Variants in PPIL6 observed in about 807,000 individuals in gnomAD.
PPIL6 encodes the protein peptidylprolyl isomerase like 6.
PPIL6 carries 39 observed loss-of-function variants against 36.8 expected under a neutral mutation model. The observed-to-expected ratio is 1.06, with a 90% CI of 0.82 to 1.38. The LOEUF is 1.38. Ranked by LOEUF, PPIL6 falls within the 40% of genes most tolerant of loss-of-function variation. The pLI, the probability that PPIL6 is intolerant of heterozygous loss-of-function variation, is 0.00. For synonymous variants in PPIL6, 123 were observed against 134.1 expected (o/e 0.92, Z 0.57); for missense variants, 368 against 379.1 (o/e 0.97, Z 0.24).
chr6:109,400,906 C>T (rs1216170434), intron 6 of PPIL6, among the ~76,000 whole-genome samples: 8 of 152,146 alleles, frequency 5.3e-5, no homozygotes, highest in African/African-American at 1.9e-4. Flanking sequence ...GTCGCCCAGG[C>T]TGGAGTGCAG....
intron 6 of PPIL6, among the ~76,000 whole-genome samples, chr6:109,406,033 T>C (rs1266079760): frequency 6.8e-6 from 1 of 147,860 alleles, no homozygotes; most frequent in East Asian, 2.0e-4. Flanking sequence ...GTGTAGATTT[T>C]TTTGGTTTGT....
At chr6:109,418,548 CT>C (rs796535898) in intron 6 of PPIL6, among the ~76,000 whole-genome samples, 15,766 of 135,778 alleles carry the variant, frequency 0.12, 1,752 homozygotes, top group African/African-American at 0.35. Context: ...ATCTTTTTTT[CT>C]TTTTTTTTTT....
chr6:109,415,789 T>C (rs1773223576), intron 6 of PPIL6, among the ~76,000 whole-genome samples: 1 of 152,206 alleles, frequency 6.6e-6, no homozygotes, highest in African/African-American at 2.4e-5. Context: ...GTAATCAGCC[T>C]TAAAGGTCCT....
At chr6:109,396,595 G>A (rs1328867967) in intron 7 of PPIL6, among the ~76,000 whole-genome samples, 1 of 152,066 alleles carries the variant, frequency 6.6e-6, no homozygotes, top group African/African-American at 2.4e-5. Context: ...TAACTTCTAC[G>A]TGACATTTCA....
intron 1 of PPIL6, among the ~76,000 whole-genome samples, chr6:109,439,071 G>T (rs1369176144): frequency 6.6e-6 from 1 of 152,022 alleles, no homozygotes; most frequent in South Asian, 2.1e-4. Flanking sequence ...TGCCAAGAAG[G>T]CCTAACATAT....
chr6:109,401,654 GA>G (rs1361711119), intron 6 of PPIL6, among the ~76,000 whole-genome samples: 4 of 151,274 alleles, frequency 2.6e-5, no homozygotes, highest in Non-Finnish European at 4.4e-5. Flanking sequence ...GTGAAATAAA[GA>G]AAAAAACTCA....
intron 5 of PPIL6, among the ~76,000 whole-genome samples, chr6:109,424,943 A>G (rs968949174): frequency 2.6e-5 from 4 of 152,336 alleles, no homozygotes; most frequent in African/African-American, 9.6e-5. Context: ...CAGAGTAGCC[A>G]TTCTTCTGTT....
chr6:109,434,954 G>A (rs926989850), intron 2 of PPIL6, among the ~76,000 whole-genome samples: 1 of 152,192 alleles, frequency 6.6e-6, no homozygotes, highest in African/African-American at 2.4e-5. Flanking sequence ...GCCCTAAGGT[G>A]TGGAGTTCTC....
Position 109,427,171 on chromosome 6 carries a change from G to A in PPIL6, c.421-15C>T, listed in dbSNP as rs1264662343. ...ACGAAATCATGCTGTGAAGATTAAG[G>A]AGAATCATATAATGCAGGTCAAAGT... On this transcript the variant is annotated splice_polypyrimidine_tract_variant and intron_variant, in intron 3 of 7. Transcript: ENST00000521072. The A allele has an allele frequency of 2.5e-6, 4 of 1,599,602 alleles. No homozygotes were observed. In the African/African-American group the frequency reaches 4.0e-5, roughly 16 times the overall value.
chr6:109,437,936 T>G (rs1774546560), intron 1 of PPIL6, among the ~76,000 whole-genome samples: 1 of 152,114 alleles, frequency 6.6e-6, no homozygotes, highest in Admixed American at 6.5e-5. Context: ...ATGAAACACA[T>G]GTCTTTTTAG....
At chr6:109,435,057 C>A (rs1041381753) in intron 2 of PPIL6, among the ~76,000 whole-genome samples, 3 of 152,160 alleles carry the variant, frequency 2.0e-5, no homozygotes, top group Admixed American at 1.3e-4. Context: ...ATCAGAGCTT[C>A]CCCAGGCAAC....
Position 109,413,808 on chromosome 6 carries a change from G to A in PPIL6, c.688+5379C>T, listed in dbSNP as rs1168185752. On this transcript the variant is annotated intron_variant, in intron 6 of 7. Coordinates refer to ENST00000521072, the MANE Select transcript of PPIL6 (RefSeq NM_173672.5). The surrounding 1 kb of genome is among the most constrained non-coding windows in gnomAD (Gnocchi z 4.6). ...AAAAAAGAATGAGATCCAGTCATTTGCAACAACATGGATGGGACTGGAGGT... is the reference window on the plus strand; with the variant it reads ...AAAAAAGAATGAGATCCAGTCATTTACAACAACATGGATGGGACTGGAGGT... 6.6e-6 allele frequency among the ~76,000 whole-genome samples: 1 copy of A among 152,212 alleles called. No individual in the cohort carries two copies. The highest frequency in any genetic ancestry group is 6.5e-5 in the Admixed American group (1 of 15,286).
intron 6 of PPIL6, among the ~76,000 whole-genome samples, chr6:109,415,925 A>G (rs1773232233): frequency 6.6e-6 from 1 of 152,202 alleles, no homozygotes; most frequent in African/African-American, 2.4e-5. Flanking sequence ...CAATATCAAA[A>G]GAACTTTTTA....
chr6:109,431,040 A>T, intron 3 of PPIL6, 117 bp downstream of exon 3: 1 of 758,038 alleles, frequency 1.3e-6, no homozygotes, highest in Non-Finnish European at 2.1e-6. Context: ...ACTAGGCTTT[A>T]AACTTAGTCT....
chr6:109,404,799 C>T (rs959312992), intron 6 of PPIL6: 2 of 156,046 alleles, frequency 1.3e-5, no homozygotes, highest in South Asian at 1.8e-4. Flanking sequence ...CAGTGGCTCT[C>T]GTCTGTAACT....
chr6:109,416,983 C>G (rs1440959209), intron 6 of PPIL6, among the ~76,000 whole-genome samples: 1 of 150,822 alleles, frequency 6.6e-6, no homozygotes, highest in African/African-American at 2.4e-5. Context: ...GCTTGGACAA[C>G]AGAGCAAGAC....
intron 6 of PPIL6, among the ~76,000 whole-genome samples, chr6:109,412,858 A>C (rs1027647338): frequency 7.2e-5 from 11 of 152,200 alleles, no homozygotes; most frequent in African/African-American, 2.7e-4. Context: ...ACAACAAAGG[A>C]AACAACAAAG....
chr6:109,410,614 CTGGG>C (rs1480725399), intron 6 of PPIL6, among the ~76,000 whole-genome samples: 1 of 152,170 alleles, frequency 6.6e-6, no homozygotes, highest in African/African-American at 2.4e-5. Flanking sequence ...TTACCTGGAC[CTGGG>C]AAATTGGGTA....
chr6:109,419,367 G>C, intron 5 of PPIL6, 124 bp from the exon 6 acceptor site: 1 of 635,470 alleles, frequency 1.6e-6, no homozygotes, highest in Non-Finnish European at 2.8e-6. Context: ...GATCACTGGA[G>C]CCCAGGAGTT....
Sources: gnomAD v4.1 joint callset for allele counts (sites outside exome capture counted in the v4.1 genomes callset) on GRCh38, gnomAD v4.1.1 for gene constraint, Gnocchi (gnomAD v3.1) non-coding constraint, MANE v1.5 for transcripts, NCBI Gene and HGNC (gene_info 2026-07-23, HGNC 2026-07-21) for gene names.